Variants in RBFOX1 observed in about 807,000 individuals in gnomAD.
The protein encoded by RBFOX1 is RNA binding protein fox-1 homolog 1.
A neutral mutation model predicts 57.7 loss-of-function variants in RBFOX1; 8 were observed. The observed-to-expected ratio is 0.14, with a 90% CI of 0.08 to 0.25. The LOEUF is 0.25. RBFOX1 is among the 10% of genes least tolerant of loss of function. The pLI is 1.00. For synonymous variants in RBFOX1, 326 were observed against 222.4 expected, an observed-to-expected ratio of 1.47 and a Z score of -4.15; for missense variants, 611 against 548.5, an observed-to-expected ratio of 1.11 and a Z score of -1.14.
At chr16:7,500,536 A>C (rs977239468) in intron 4 of RBFOX1, among the ~76,000 whole-genome samples, 9 of 152,212 alleles carry the variant, frequency 5.9e-5, no homozygotes, top group African/African-American at 1.9e-4. Context: ...CTATTGTTGT[A>C]GCTAGACTTG....
At chr16:6,318,983 C>G (rs938217047) in intron 2 of RBFOX1, among the ~76,000 whole-genome samples, 1 of 151,830 alleles carries the variant, frequency 6.6e-6, no homozygotes, top group Admixed American at 6.6e-5. Flanking sequence ...GTCACTTCCT[C>G]TGGAACAAAC....
chr16:7,408,336 G>C (rs2098381507), intron 4 of RBFOX1, among the ~76,000 whole-genome samples: 1 of 152,078 alleles, frequency 6.6e-6, no homozygotes, highest in Admixed American at 6.5e-5. Context: ...TTTTAATACG[G>C]CGACTGTATT....
chr16:5,455,632 T>C (rs1011045094), intron 1 of RBFOX1, among the ~76,000 whole-genome samples: 8 of 152,336 alleles, frequency 5.3e-5, no homozygotes, highest in Admixed American at 5.2e-4. Flanking sequence ...TTCCCTTCTC[T>C]CACGCAGACC....
At chr16:6,080,055 G>C (rs1254055672) in intron 1 of RBFOX1, among the ~76,000 whole-genome samples, 1 of 152,162 alleles carries the variant, frequency 6.6e-6, no homozygotes, top group Non-Finnish European at 1.5e-5. Context: ...ATGCTATTAA[G>C]GAAAGAGAGA....
chr16:6,140,047 T>A (rs59325666), intron 1 of RBFOX1, among the ~76,000 whole-genome samples: 4,667 of 152,272 alleles, frequency 0.031, 249 homozygotes, highest in African/African-American at 0.11. Flanking sequence ...CTCCCCACGT[T>A]TTCCCTTTGA....
intron 2 of RBFOX1, among the ~76,000 whole-genome samples, chr16:6,476,525 C>T (rs560997890): frequency 1.4e-4 from 21 of 152,298 alleles, no homozygotes; most frequent in Admixed American, 7.8e-4. Flanking sequence ...TAAAAAACGA[C>T]GTGCATACCT....
chr16:6,249,004 G>A (rs962779499), intron 1 of RBFOX1, among the ~76,000 whole-genome samples: 12 of 152,250 alleles, frequency 7.9e-5, no homozygotes, highest in South Asian at 2.1e-4. Flanking sequence ...TCCATGAGCC[G>A]TATGTTCATA....
intron 3 of RBFOX1, among the ~76,000 whole-genome samples, chr16:5,671,217 A>G (rs948027050): frequency 9.2e-5 from 14 of 152,252 alleles, no homozygotes; most frequent in African/African-American, 3.4e-4. Flanking sequence ...TTCAATCTGC[A>G]ACTTAAAAGC....
chr16:5,966,429 G>T (rs1027810202), intron 4 of RBFOX1, among the ~76,000 whole-genome samples: 2 of 152,150 alleles, frequency 1.3e-5, no homozygotes, highest in Non-Finnish European at 2.9e-5. Context: ...GAGCAAGTGT[G>T]AGGTGAGGAG....
intron 4 of RBFOX1, among the ~76,000 whole-genome samples, chr16:5,937,801 A>G (rs1024356152): frequency 1.3e-5 from 2 of 149,822 alleles, no homozygotes; most frequent in Non-Finnish European, 3.0e-5. Context: ...ATATACCTAT[A>G]TAAATTATAC....
intron 4 of RBFOX1, among the ~76,000 whole-genome samples, chr16:7,069,912 G>A (rs1188661333): frequency 6.6e-6 from 1 of 152,148 alleles, no homozygotes; most frequent in Non-Finnish European, 1.5e-5. Flanking sequence ...TGCTTTCAGG[G>A]AAACGGAAAC....
At chr16:6,330,755 G>C (rs1259026517) in intron 2 of RBFOX1, among the ~76,000 whole-genome samples, 6 of 152,212 alleles carry the variant, frequency 3.9e-5, no homozygotes, top group Admixed American at 2.6e-4. Flanking sequence ...ACAAATCACA[G>C]TGAGTGCTGC....
At chr16:5,867,744 C>T (rs865881909) in intron 4 of RBFOX1, among the ~76,000 whole-genome samples, 1 of 152,048 alleles carries the variant, frequency 6.6e-6, no homozygotes, top group African/African-American at 2.4e-5. Flanking sequence ...CAGAGTCTCA[C>T]TCTGTTGCCC....
chr16:6,015,312 G>C (rs2094986722), upstream of RBFOX1, among the ~76,000 whole-genome samples: 1 of 152,074 alleles, frequency 6.6e-6, no homozygotes, highest in Non-Finnish European at 1.5e-5. Context: ...TGTTTACACT[G>C]ACCTTCTGGA....
At chr16:6,944,742 T>G (rs577039839) in intron 3 of RBFOX1, among the ~76,000 whole-genome samples, 10 of 152,310 alleles carry the variant, frequency 6.6e-5, no homozygotes, top group African/African-American at 2.2e-4. Flanking sequence ...CATACATGGA[T>G]AAAGTCCTGT....
At chr16:5,741,128 G>A (rs1005828107) in intron 3 of RBFOX1, among the ~76,000 whole-genome samples, 10 of 152,190 alleles carry the variant, frequency 6.6e-5, no homozygotes, top group Non-Finnish European at 1.3e-4. Flanking sequence ...TGGGATAGTG[G>A]TCCAGTGTCA....
chr16:5,428,984 C>T (rs962348550), intron 1 of RBFOX1, among the ~76,000 whole-genome samples: 17 of 152,090 alleles, frequency 1.1e-4, no homozygotes, highest in African/African-American at 3.9e-4. Context: ...TCCTAACAAC[C>T]CTCCGACCTG....
At chr16:5,996,867 T>C (rs138974778) in intron 4 of RBFOX1, among the ~76,000 whole-genome samples, 10 of 152,306 alleles carry the variant, frequency 6.6e-5, no homozygotes, top group African/African-American at 2.4e-4. Flanking sequence ...AACCCACTGT[T>C]GTAAAGAAAC....
intron 4 of RBFOX1, among the ~76,000 whole-genome samples, chr16:7,404,661 A>G (rs1725335592): frequency 6.6e-6 from 1 of 152,194 alleles, no homozygotes; most frequent in South Asian, 2.1e-4. Flanking sequence ...AGCGTTGGAA[A>G]TAGGTAGCAA....
Sources: allele counts gnomAD v4.1 joint callset (sites outside exome capture counted in the v4.1 genomes callset), GRCh38; gene constraint gnomAD v4.1.1; transcripts MANE v1.5; gene names NCBI Gene and HGNC (gene_info 2026-07-23, HGNC 2026-07-21).